RGS8: variants seen among roughly 807,000 people sequenced by gnomAD.
RGS8 encodes the protein regulator of G-protein signaling 8.
Under a neutral mutation model 21.7 loss-of-function variants are expected in RGS8, and 8 were observed. That is an observed-to-expected ratio of 0.37 (90% confidence interval 0.22 to 0.66). RGS8 has a LOEUF of 0.66. Among genes scored for constraint, RGS8 ranks in the 30% least tolerant of loss-of-function variants. The pLI is 0.59. For synonymous variants in RGS8, 80 were observed against 83.6 expected, an observed-to-expected ratio of 0.96 and a Z score of 0.24; for missense variants, 157 against 217.9, an observed-to-expected ratio of 0.72 and a Z score of 1.76.
At chr1:182,669,532 G>C in intron 3 of RGS8, 92 bp downstream of exon 4, 2 of 1,588,636 alleles carry the variant, frequency 1.3e-6, no homozygotes, top group East Asian at 4.5e-5. Flanking sequence ...GGGCTCAGAA[G>C]GCTTGGGCCA....
the RGS8 span, among the ~76,000 whole-genome samples, chr1:182,742,187 C>T: frequency 4.8e-3 from 714 of 150,238 alleles, 4 homozygotes; most frequent in Non-Finnish European, 8.0e-3. Context: ...TGATGGCGGC[C>T]GGGAAGAGGC....
the RGS8 span, among the ~76,000 whole-genome samples, chr1:182,691,167 A>C: frequency 6.6e-6 from 1 of 152,182 alleles, no homozygotes; most frequent in Non-Finnish European, 1.5e-5. Context: ...GAATTGCCCA[A>C]CTGACTCACA....
downstream of RGS8, chr1:182,642,235 C>T (rs552126833): frequency 2.0e-5 from 3 of 152,412 alleles, no homozygotes; most frequent in East Asian, 3.9e-4. Flanking sequence ...TGGCTTCTTC[C>T]TCCACCATCT....
At chr1:182,684,602 G>C (rs75814251), upstream of RGS8, 1 of 152,296 alleles carries the variant, frequency 6.6e-6, no homozygotes, top group Non-Finnish European at 1.5e-5. The surrounding 1 kb of genome is among the most constrained non-coding windows in gnomAD (Gnocchi z 4.2). Context: ...GGCAGGGGAG[G>C]GGGTGGGGAA....
chr1:182,674,041 C>T (rs982413696), upstream of RGS8, among the ~76,000 whole-genome samples: 1 of 152,204 alleles, frequency 6.6e-6, no homozygotes, highest in Non-Finnish European at 1.5e-5. Context: ...TTAAAAGTGG[C>T]AGAGCTGGTA....
the RGS8 span, among the ~76,000 whole-genome samples, chr1:182,694,675 G>A: frequency 6.6e-6 from 1 of 151,908 alleles, no homozygotes; most frequent in Non-Finnish European, 1.5e-5. Context: ...AGATGTGGTG[G>A]CACACACCTG....
chr1:182,688,344 TTCTCTCTCGCTCGCTC>T (rs942897478), upstream of RGS8, among the ~76,000 whole-genome samples: 21 of 150,912 alleles, frequency 1.4e-4, no homozygotes, highest in Admixed American at 5.3e-4. Context: ...CACACACACT[TTCTCTCTCGCTCGCTC>T]TCTCTCTCTC....
the RGS8 span, among the ~76,000 whole-genome samples, chr1:182,692,839 T>C: frequency 6.6e-6 from 1 of 152,138 alleles, no homozygotes; most frequent in Non-Finnish European, 1.5e-5. Flanking sequence ...CCCACAACCT[T>C]CTGATCTTTG....
chr1:182,749,142 G>A, the RGS8 span, among the ~76,000 whole-genome samples: 1 of 152,028 alleles, frequency 6.6e-6, no homozygotes, highest in East Asian at 1.9e-4. Context: ...GTACTTTTGA[G>A]GTCTTATCCA....
Position 182,669,749 on chromosome 1 carries a change from T to A in RGS8, c.-100A>T. 6.3e-7 allele frequency: 1 copy of A among 1,587,244 alleles called. No homozygotes were observed. The highest frequency in any genetic ancestry group is 8.6e-7 in the Non-Finnish European group (1 of 1,164,916). ...CAGGAATTTACCCTTGCACGTCCTCTCACCTAAAATCAAAGAATCTGCTGT... is the reference window on the plus strand; with the variant it reads ...CAGGAATTTACCCTTGCACGTCCTCACACCTAAAATCAAAGAATCTGCTGT... On this transcript the variant is annotated 5_prime_UTR_variant, in exon 3 of 7. An upstream open reading frame in the 5' UTR loses its in-frame stop. Transcript: ENST00000483095.
upstream of RGS8, among the ~76,000 whole-genome samples, chr1:182,685,217 G>T (rs557238266): frequency 2.2e-4 from 34 of 152,332 alleles, no homozygotes; most frequent in African/African-American, 7.9e-4. Flanking sequence ...TGGCCAGAGG[G>T]TGGTGGTGGC....
the RGS8 span, among the ~76,000 whole-genome samples, chr1:182,699,373 G>C: frequency 1.3e-5 from 2 of 152,218 alleles, no homozygotes; most frequent in African/African-American, 2.4e-5. Context: ...AGGAGGAGGT[G>C]GTTTCTGCAG....
At chr1:182,744,554 C>T in the RGS8 span, among the ~76,000 whole-genome samples, 1 of 152,216 alleles carries the variant, frequency 6.6e-6, no homozygotes, top group South Asian at 2.1e-4. Flanking sequence ...TGCCTAGTGA[C>T]ATAGCCATTG....
In RGS8 at chr1:182,684,040, C is replaced by T. The variant is rs2102459922; in HGVS notation, n.221+316G>A. Among the ~76,000 whole-genome samples the T allele has an allele frequency of 6.6e-6, 1 of 152,322 alleles. No individual in the cohort carries two copies. Among genetic ancestry groups the T allele is most frequent in the East Asian group, 1.9e-4 (1 of 5,186 alleles). On this transcript the variant is annotated intron_variant and non_coding_transcript_variant, in intron 1 of 4. Transcript: ENST00000515211. This position sits in a 1 kb window ranked among gnomAD's most constrained non-coding sequence, Gnocchi z 4.2. The stretch of plus-strand genomic sequence containing the variant: ...GGAGCTGAGGGAAGAAACAGGATCA[C>T]CTTTGAGGAGAAAGCAGGTGTTAGG...
intron 1 of RGS8, among the ~76,000 whole-genome samples, chr1:182,683,338 T>G (rs530034948): frequency 1.0e-3 from 156 of 152,326 alleles, no homozygotes; most frequent in Non-Finnish European, 1.6e-3. Flanking sequence ...AACCAAGAAC[T>G]ACTATGATCT....
the RGS8 span, among the ~76,000 whole-genome samples, chr1:182,728,295 G>A: frequency 1.3e-5 from 2 of 152,140 alleles, no homozygotes; most frequent in African/African-American, 4.8e-5. Flanking sequence ...AACCATGAAG[G>A]ATGTGGTCTA....
intron 2 of RGS8, among the ~76,000 whole-genome samples, chr1:182,670,224 A>G (rs944954858): frequency 6.6e-6 from 1 of 152,100 alleles, no homozygotes; most frequent in Non-Finnish European, 1.5e-5. Context: ...TGGGAGTGGG[A>G]GGGAGGTTGG....
chr1:182,650,260 C>T (rs1169247584), intron 5 of RGS8, among the ~76,000 whole-genome samples: 1 of 152,210 alleles, frequency 6.6e-6, no homozygotes, highest in Non-Finnish European at 1.5e-5. Context: ...TGACGTCCAC[C>T]ACTATCCACC....
chr1:182,743,472 A>G, the RGS8 span, among the ~76,000 whole-genome samples: 1 of 152,194 alleles, frequency 6.6e-6, no homozygotes, highest in Non-Finnish European at 1.5e-5. Flanking sequence ...CTTGGGGACT[A>G]TATGTCACGC....
Sources: allele counts gnomAD v4.1 joint callset (sites outside exome capture counted in the v4.1 genomes callset), GRCh38; gene constraint gnomAD v4.1.1; non-coding constraint Gnocchi (gnomAD v3.1); transcripts MANE v1.5; gene names NCBI Gene and HGNC (gene_info 2026-07-23, HGNC 2026-07-21).